The following SLC35F4 variants were observed in gnomAD, a reference collection of about 807,000 sequenced individuals.
SLC35F4 encodes the protein solute carrier family 35 member F4, also known as chromosome 14 open reading frame 36.
In SLC35F4, 24 loss-of-function variants were observed where a neutral mutation model predicts 44.2. The ratio of observed to expected loss-of-function variants is 0.54; its 90% CI spans 0.39 to 0.76. The LOEUF is 0.76. Ranked by LOEUF, SLC35F4 falls within the 30% of genes least tolerant of loss-of-function variation. The pLI, the probability that SLC35F4 is intolerant of heterozygous loss-of-function variation, is 0.00. For synonymous variants in SLC35F4, 238 were observed against 223.6 expected, an observed-to-expected ratio of 1.06 and a Z score of -0.57; for missense variants, 562 against 586.1, an observed-to-expected ratio of 0.96 and a Z score of 0.42.
chr14:57,832,626 A>T (rs1884494621), intron 1 of SLC35F4, among the ~76,000 whole-genome samples: 1 of 152,242 alleles, frequency 6.6e-6, no homozygotes, highest in Non-Finnish European at 1.5e-5. Context: ...TATACAATAC[A>T]ATTTATTAGA....
At chr14:57,660,817 C>T (rs1304951680) in intron 1 of SLC35F4, among the ~76,000 whole-genome samples, 5 of 152,126 alleles carry the variant, frequency 3.3e-5, no homozygotes, top group Admixed American at 6.6e-5. Context: ...AGCCTTCAAA[C>T]ATTTTGACTG....
intron 1 of SLC35F4, among the ~76,000 whole-genome samples, chr14:57,700,767 T>C (rs1400076615): frequency 1.3e-5 from 2 of 151,822 alleles, no homozygotes; most frequent in Non-Finnish European, 2.9e-5. Flanking sequence ...TGACCAGGCA[T>C]AGTGGTGTAC....
At chr14:57,876,991 CT>C (rs1047252980) in intron 1 of SLC35F4, among the ~76,000 whole-genome samples, 9 of 149,418 alleles carry the variant, frequency 6.0e-5, no homozygotes, top group Non-Finnish European at 7.4e-5. Flanking sequence ...GGTGACCCAT[CT>C]TTTTTTTTTC....
intron 1 of SLC35F4, among the ~76,000 whole-genome samples, chr14:57,793,104 C>T (rs902518157): frequency 4.6e-5 from 7 of 152,056 alleles, no homozygotes; most frequent in South Asian, 2.1e-4. Flanking sequence ...GGCCTAACCT[C>T]GTCTTATCAC....
chr14:57,833,875 T>A (rs1024382245), intron 1 of SLC35F4, among the ~76,000 whole-genome samples: 1 of 152,212 alleles, frequency 6.6e-6, no homozygotes, highest in Non-Finnish European at 1.5e-5. Flanking sequence ...ATTTTTTAAA[T>A]GCACGTTAAC....
chr14:57,670,309 G>GT (rs550575363), intron 1 of SLC35F4, among the ~76,000 whole-genome samples: 1 of 151,940 alleles, frequency 6.6e-6, no homozygotes, highest in Non-Finnish European at 1.5e-5. Context: ...TTTTTGAAGG[G>GT]TTTTTTGTGT....
chr14:57,917,533 G>T (rs998707662), intron 1 of SLC35F4, among the ~76,000 whole-genome samples: 5 of 151,880 alleles, frequency 3.3e-5, no homozygotes, highest in African/African-American at 1.2e-4. Flanking sequence ...CCTTCAATGT[G>T]ACTTGTAAAT....
At chr14:57,584,970 A>C (rs1177102424) in intron 3 of SLC35F4, among the ~76,000 whole-genome samples, 1 of 152,230 alleles carries the variant, frequency 6.6e-6, no homozygotes, top group Non-Finnish European at 1.5e-5. Context: ...ACTGTTTAAA[A>C]ATTTTACAAT....
At chr14:57,658,219 CTA>C (rs2074029240) in intron 1 of SLC35F4, among the ~76,000 whole-genome samples, 1 of 152,090 alleles carries the variant, frequency 6.6e-6, no homozygotes, top group Non-Finnish European at 1.5e-5. Flanking sequence ...ATGAAAGACT[CTA>C]TAAACAGAAC....
intron 1 of SLC35F4, among the ~76,000 whole-genome samples, chr14:57,908,531 T>C (rs1052850022): frequency 3.9e-5 from 6 of 152,238 alleles, no homozygotes; most frequent in Admixed American, 1.3e-4. Flanking sequence ...ATTTCTCTAA[T>C]GATCAATAAT....
intron 1 of SLC35F4, among the ~76,000 whole-genome samples, chr14:57,753,542 A>G (rs1365781904): frequency 6.6e-6 from 1 of 152,130 alleles, no homozygotes; most frequent in Admixed American, 6.5e-5. Context: ...CTGCTTTCTC[A>G]GGCCTTCACA....
chr14:57,758,296 C>A (rs1457163993), intron 1 of SLC35F4, among the ~76,000 whole-genome samples: 1 of 151,918 alleles, frequency 6.6e-6, no homozygotes, highest in African/African-American at 2.4e-5. Context: ...ACTAATTACC[C>A]ATATATATGC....
chr14:57,950,675 C>CTTTTTTTTTTTTTTTTTTTTT (rs59027196), intron 1 of SLC35F4, among the ~76,000 whole-genome samples: 5 of 127,164 alleles, frequency 3.9e-5, no homozygotes, highest in African/African-American at 9.6e-5. Context: ...TTCTTTCTTT[C>CTTTTTTTTTTTTTTTTTTTTT]TTTTTTTTTT....
intron 1 of SLC35F4, among the ~76,000 whole-genome samples, chr14:57,947,116 G>A (rs988263903): frequency 2.0e-5 from 3 of 152,064 alleles, no homozygotes; most frequent in Non-Finnish European, 2.9e-5. Context: ...CTGTAAGCAT[G>A]GGATATGTTT....
intron 1 of SLC35F4, among the ~76,000 whole-genome samples, chr14:57,800,683 G>A (rs939067670): frequency 2.6e-5 from 4 of 152,108 alleles, no homozygotes; most frequent in Admixed American, 1.3e-4. Flanking sequence ...CCAAACTGAT[G>A]GAGCTGAAAA....
At chr14:57,970,286 G>A (rs1881013651) in intron 1 of SLC35F4, among the ~76,000 whole-genome samples, 1 of 152,176 alleles carries the variant, frequency 6.6e-6, no homozygotes, top group South Asian at 2.1e-4. Context: ...AAATAAAAAT[G>A]AAGTGAGATT....
intron 1 of SLC35F4, among the ~76,000 whole-genome samples, chr14:57,597,581 G>A (rs1229308516): frequency 1.3e-5 from 2 of 152,204 alleles, no homozygotes; most frequent in African/African-American, 2.4e-5. Context: ...GCAGCTGGGG[G>A]AGCAGGAAGA....
intron 1 of SLC35F4, among the ~76,000 whole-genome samples, chr14:57,963,479 A>G (rs964212194): frequency 2.6e-5 from 4 of 152,150 alleles, no homozygotes; most frequent in Admixed American, 6.5e-5. Context: ...AAGGGACACA[A>G]TTTCAGCAGC....
At chr14:57,623,417 C>T (rs2072305693) in intron 1 of SLC35F4, among the ~76,000 whole-genome samples, 1 of 152,108 alleles carries the variant, frequency 6.6e-6, no homozygotes, top group Non-Finnish European at 1.5e-5. Flanking sequence ...ACAAAATTAA[C>T]AAGGATATCC....
Sources: allele counts gnomAD v4.1 joint callset (sites outside exome capture counted in the v4.1 genomes callset), GRCh38; gene constraint gnomAD v4.1.1; transcripts MANE v1.5; gene names NCBI Gene and HGNC (gene_info 2026-07-23, HGNC 2026-07-21).